DAAM2: variants seen among roughly 807,000 people sequenced by gnomAD.
The protein encoded by DAAM2 is dishevelled associated activator of morphogenesis 2, also known as disheveled-associated activator of morphogenesis 2.
DAAM2 carries 39 observed loss-of-function variants against 120.7 expected under a neutral mutation model. That is an observed-to-expected ratio of 0.32 (90% CI 0.25 to 0.42). The LOEUF (loss-of-function observed/expected upper bound fraction) is 0.42. Among genes scored for constraint, DAAM2 ranks in the 10% least tolerant of loss-of-function variants. The pLI is 1.00. For synonymous variants in DAAM2, 488 were observed against 524.9 expected (o/e 0.93, Z 0.96); for missense variants, 1,283 against 1,401.7 (o/e 0.92, Z 1.35).
chr6:39,817,094 C>T (rs1226017655), intron 1 of DAAM2, among the ~76,000 whole-genome samples: 1 of 152,174 alleles, frequency 6.6e-6, no homozygotes, highest in Non-Finnish European at 1.5e-5. Flanking sequence ...GAGATCGCAC[C>T]TTTGATGCAC....
chr6:39,875,299 C>T (rs1439590029), intron 10 of DAAM2, 31 bp from the exon 11 acceptor site: 1 of 1,606,136 alleles, frequency 6.2e-7, no homozygotes, highest in Admixed American at 1.7e-5. Context: ...CTTCAGGACT[C>T]AGGAAAGATA....
In DAAM2 at chr6:39,824,476, G is replaced by A. The variant is rs149969794; in HGVS notation, c.-56-31771G>A. ...TTTGTTTTGACATCCCCTGTGGGGCGTTAGAGATCCAGATTTCAAAGCAAG... is the reference window on the plus strand; with the variant it reads ...TTTGTTTTGACATCCCCTGTGGGGCATTAGAGATCCAGATTTCAAAGCAAG... On this transcript the variant is annotated intron_variant, in intron 1 of 24. Transcript: ENST00000274867. Among the ~76,000 whole-genome samples, 1,069 of 152,312 alleles carry A rather than the reference G, an allele frequency of 7.0e-3. 20 individuals are homozygous for A. The highest frequency in any genetic ancestry group is 0.024 in the African/African-American group (1,005 of 41,570).
intron 1 of DAAM2, among the ~76,000 whole-genome samples, chr6:39,838,160 C>T (rs954526192): frequency 2.0e-5 from 3 of 152,198 alleles, no homozygotes; most frequent in Non-Finnish European, 4.4e-5. Context: ...AGCAATCTGA[C>T]CTCACCTGGT....
At chr6:39,827,534 C>T (rs1762718365) in intron 1 of DAAM2, among the ~76,000 whole-genome samples, 1 of 152,100 alleles carries the variant, frequency 6.6e-6, no homozygotes, top group African/African-American at 2.4e-5. Context: ...AATGGTGGCC[C>T]TCACTCACGC....
intron 1 of DAAM2, among the ~76,000 whole-genome samples, chr6:39,831,556 G>T (rs1040011234): frequency 4.0e-5 from 6 of 151,632 alleles, no homozygotes; most frequent in African/African-American, 1.5e-4. Flanking sequence ...GCAGCTCTAG[G>T]ATTTGCACCC....
chr6:39,890,019 T>G (rs1483730845), intron 17 of DAAM2, among the ~76,000 whole-genome samples: 1 of 151,990 alleles, frequency 6.6e-6, no homozygotes, highest in African/African-American at 2.4e-5. Flanking sequence ...TCCCAGCTAC[T>G]TGGGAGGCTG....
intron 1 of DAAM2, among the ~76,000 whole-genome samples, chr6:39,850,096 C>T (rs374348499): frequency 1.4e-4 from 21 of 152,152 alleles, no homozygotes; most frequent in African/African-American, 4.8e-4. Flanking sequence ...CCAGGATGCC[C>T]GCAGCTCTGC....
chr6:39,832,920 G>A (rs1200168243), intron 1 of DAAM2, among the ~76,000 whole-genome samples: 1 of 152,174 alleles, frequency 6.6e-6, no homozygotes, highest in East Asian at 1.9e-4. Flanking sequence ...GCTCTGCCAG[G>A]ACGTCCACCC....
intron 1 of DAAM2, among the ~76,000 whole-genome samples, chr6:39,808,658 C>T (rs1195828344): frequency 1.3e-5 from 2 of 152,212 alleles, no homozygotes; most frequent in African/African-American, 4.8e-5. Context: ...AGCTTCCTTC[C>T]CTTGAAATCT....
chr6:39,904,487 T>TAA lies in DAAM2; in HGVS notation c.*2451_*2452dup, dbSNP rs1259142655. On this transcript the variant is annotated 3_prime_UTR_variant, in exon 25 of 25. Coordinates refer to ENST00000274867, the MANE Select transcript of DAAM2 (RefSeq NM_001201427.2). The stretch of plus-strand genomic sequence containing the variant: ...CCCCACTGCTCCTGCCACCTTTAGA[T>TAA]AAGTTTCTCTAGCTAATTTTGTGGC... 6.6e-6 allele frequency: 3 copies of TAA among 454,188 alleles called. No individual in the cohort carries two copies. Among genetic ancestry groups the TAA allele is most frequent in the Non-Finnish European group, 1.3e-5 (3 of 226,966 alleles). 28.1% of individuals were successfully genotyped at this position (454,188 alleles called of 1,614,324 possible).
chr6:39,800,187 C>T (rs755788856), intron 1 of DAAM2, among the ~76,000 whole-genome samples: 4 of 152,164 alleles, frequency 2.6e-5, no homozygotes, highest in Non-Finnish European at 4.4e-5. Context: ...CTCTGAGCTG[C>T]CAGATCAAGC....
In DAAM2 at chr6:39,865,054, C is replaced by T; in HGVS notation, c.408C>T (p.Ala136=). Residue 136 remains alanine, a synonymous_variant, in exon 5 of 25, where the codon GCC becomes GCT. Transcript: ENST00000274867. Reference sequence around the variant, plus strand: ...AAGTCGTGGAAGACCTGAAGACAGCCCTCCGGACACAGCCTATGAGGTAAT... The same window carrying T: ...AAGTCGTGGAAGACCTGAAGACAGCTCTCCGGACACAGCCTATGAGGTAAT... ...RNQVVEDLKT[A]LRTQPMRFVT... is the part of the protein sequence containing the mutation. 1 of 1,577,938 alleles carries T rather than the reference C, an allele frequency of 6.3e-7. No homozygotes were observed. Among genetic ancestry groups the T allele is most frequent in the Non-Finnish European group, 8.7e-7 (1 of 1,151,780 alleles).
intron 15 of DAAM2, chr6:39,886,288 G>C (rs1765376832): frequency 2.5e-6 from 1 of 397,492 alleles, no homozygotes; most frequent in Middle Eastern, 6.3e-4. Flanking sequence ...TACAACCATG[G>C]GTCTCACTGG....
chr6:39,835,320 A>T (rs1361325284), intron 1 of DAAM2, among the ~76,000 whole-genome samples: 1 of 152,216 alleles, frequency 6.6e-6, no homozygotes, highest in African/African-American at 2.4e-5. Context: ...TGTCTGATAC[A>T]ATATGTTTTA....
intron 1 of DAAM2, among the ~76,000 whole-genome samples, chr6:39,794,695 T>C (rs189230469): frequency 6.6e-5 from 10 of 152,250 alleles, no homozygotes; most frequent in African/African-American, 2.4e-4. Context: ...GCAAAACAGA[T>C]TAAACTCCCC....
chr6:39,807,188 C>CA (rs11312011), intron 1 of DAAM2, among the ~76,000 whole-genome samples: 2,411 of 115,792 alleles, frequency 0.021, 23 homozygotes, highest in Middle Eastern at 0.053. Flanking sequence ...TAGAACACAG[C>CA]AAAAAAAAAA....
chr6:39,812,472 G>A (rs9471170), intron 1 of DAAM2, among the ~76,000 whole-genome samples: 13,417 of 152,098 alleles, frequency 0.088, 808 homozygotes, highest in Non-Finnish European at 0.12. Context: ...CCTAAGACCC[G>A]TGCTTTCTGT....
chr6:39,832,591 GTC>G (rs10612691), intron 1 of DAAM2, among the ~76,000 whole-genome samples: 14,025 of 152,164 alleles, frequency 0.092, 1,282 homozygotes, highest in East Asian at 0.32. Context: ...AGGTACTTTA[GTC>G]TCTGATTTAA....
Position 39,901,869 on chromosome 6 carries a change from A to C in DAAM2, c.3039A>C (p.Ala1013=). Residue 1013 remains alanine (A), a synonymous_variant, in exon 25 of 25, where the codon GCA becomes GCC. Coordinates refer to ENST00000274867, the MANE Select transcript of DAAM2 (RefSeq NM_001201427.2). The surrounding 1 kb of genome is among the most constrained non-coding windows in gnomAD (Gnocchi z 4.5). ...AGCGGCAGCGGAAGGTCCTGGCTGC[A>C]GGCAGCTCGCTGGAGGAGGGAGGAG... ...RWQRQRKVLA[A]GSSLEEGGEF... 6.3e-7 allele frequency: 1 copy of C among 1,591,766 alleles called. No individual in the cohort carries two copies. Among genetic ancestry groups the C allele is most frequent in the Non-Finnish European group, 8.6e-7 (1 of 1,165,824 alleles).
Sources: gnomAD v4.1 joint callset for allele counts (sites outside exome capture counted in the v4.1 genomes callset) on GRCh38, gnomAD v4.1.1 for gene constraint, Gnocchi (gnomAD v3.1) non-coding constraint, MANE v1.5 for transcripts, NCBI Gene and HGNC (gene_info 2026-07-23, HGNC 2026-07-21) for gene names.